RGS7: variants seen among roughly 807,000 people sequenced by gnomAD.
RGS7 encodes regulator of G-protein signaling 7.
A neutral mutation model predicts 81.1 loss-of-function variants in RGS7; 27 were observed. The observed-to-expected ratio is 0.33, with a 90% CI of 0.25 to 0.46. The LOEUF (loss-of-function observed/expected upper bound fraction) is 0.46, where lower values mean the gene tolerates loss of function less well. Ranked by LOEUF, RGS7 falls within the 20% of genes least tolerant of loss-of-function variation. The pLI is 1.00. For synonymous variants in RGS7, 208 were observed against 207.7 expected, an observed-to-expected ratio of 1.00 and a Z score of -0.01; for missense variants, 396 against 607.4, an observed-to-expected ratio of 0.65 and a Z score of 3.66.
At chr1:241,008,111 C>T (rs2058767315) in intron 3 of RGS7, among the ~76,000 whole-genome samples, 1 of 149,800 alleles carries the variant, frequency 6.7e-6, no homozygotes, top group Admixed American at 6.7e-5. Context: ...CTTTATATGG[C>T]AACAAAAGAC....
intron 3 of RGS7, among the ~76,000 whole-genome samples, chr1:241,015,672 C>T (rs1040182959): frequency 6.6e-6 from 1 of 152,126 alleles, no homozygotes; most frequent in African/African-American, 2.4e-5. Context: ...AATTTTGGTA[C>T]ATTGCTTTTA....
intron 2 of RGS7, among the ~76,000 whole-genome samples, chr1:241,316,572 CAT>C (rs2080890535): frequency 6.6e-6 from 1 of 152,226 alleles, no homozygotes; most frequent in East Asian, 1.9e-4. Flanking sequence ...CAATACCAAA[CAT>C]GTGGTGAGGC....
intron 2 of RGS7, among the ~76,000 whole-genome samples, chr1:241,328,372 GAGA>G (rs2081746020): frequency 1.3e-5 from 2 of 152,276 alleles, no homozygotes; most frequent in South Asian, 2.1e-4. Context: ...GTGGACTTTT[GAGA>G]AGAACACTGC....
intron 2 of RGS7, among the ~76,000 whole-genome samples, chr1:241,245,927 A>T (rs1573330540): frequency 6.6e-6 from 1 of 151,302 alleles, no homozygotes; most frequent in Admixed American, 6.6e-5. Context: ...ACATGGTGAA[A>T]CCCCGTCTCT....
chr1:240,977,091 TACACACACACACACACACACACACACAC>T (rs60732630), intron 4 of RGS7, among the ~76,000 whole-genome samples: 2 of 133,722 alleles, frequency 1.5e-5, no homozygotes, highest in East Asian at 2.2e-4. Context: ...TATCCATCTG[TACACACACACACACACACACACACACAC>T]ACACACACAC....
At chr1:241,162,222 G>GCGCCCCCCCCCCCCC (rs68166816) in intron 2 of RGS7, among the ~76,000 whole-genome samples, 5 of 142,020 alleles carry the variant, frequency 3.5e-5, no homozygotes, top group African/African-American at 1.3e-4. Flanking sequence ...CTGGTGATCA[G>GCGCCCCCCCCCCCCC]CTTCCAAATA....
intron 3 of RGS7, among the ~76,000 whole-genome samples, chr1:241,044,376 T>C (rs2060797518): frequency 6.6e-6 from 1 of 152,102 alleles, no homozygotes. Flanking sequence ...TCTCAAAGTG[T>C]TGGGAATACA....
At chr1:241,226,772 T>C (rs2075332886) in intron 2 of RGS7, among the ~76,000 whole-genome samples, 1 of 152,220 alleles carries the variant, frequency 6.6e-6, no homozygotes, top group Admixed American at 6.5e-5. Context: ...CCACCATTGA[T>C]AGGAATAAGA....
intron 2 of RGS7, among the ~76,000 whole-genome samples, chr1:241,270,788 C>G (rs1273764865): frequency 2.7e-5 from 4 of 148,092 alleles, no homozygotes; most frequent in Non-Finnish European, 6.0e-5. Context: ...GACGGAGTCT[C>G]GCTCTGTCGC....
chr1:241,311,000 C>A (rs1029412325), intron 2 of RGS7, among the ~76,000 whole-genome samples: 2 of 152,158 alleles, frequency 1.3e-5, no homozygotes, highest in Non-Finnish European at 2.9e-5. Flanking sequence ...ATGGTTCTGA[C>A]ACGGACTAAT....
chr1:241,003,526 G>A lies in RGS7; in HGVS notation c.176-20397C>T, dbSNP rs1572215167. On this transcript the variant is annotated intron_variant, in intron 3 of 18. Transcript: ENST00000440928. Reference sequence around the variant, plus strand: ...GGATATCATGCTATTCTGATGATGTGAGCACTTCCCTAAGTGCCAACCTTA... The same window carrying A: ...GGATATCATGCTATTCTGATGATGTAAGCACTTCCCTAAGTGCCAACCTTA... Among the ~76,000 whole-genome samples, 5 of 151,288 alleles carry A rather than the reference G, an allele frequency of 3.3e-5. 1 individual carries two copies. Among genetic ancestry groups the A allele is most frequent in the African/African-American group, 1.2e-4 (5 of 41,222 alleles).
intron 6 of RGS7, among the ~76,000 whole-genome samples, chr1:240,881,323 G>A (rs897087578): frequency 2.0e-5 from 3 of 149,984 alleles, no homozygotes; most frequent in African/African-American, 7.4e-5. Flanking sequence ...CACAGGGAGG[G>A]GAACATCACA....
chr1:241,346,955 T>G (rs1263978648), intron 2 of RGS7, among the ~76,000 whole-genome samples: 8 of 152,188 alleles, frequency 5.3e-5, no homozygotes, highest in Admixed American at 1.3e-4. Context: ...AATAGCCATA[T>G]TAGTATGAAT....
intron 3 of RGS7, among the ~76,000 whole-genome samples, chr1:241,005,660 G>A (rs1405980586): frequency 6.6e-6 from 1 of 151,878 alleles, no homozygotes; most frequent in Non-Finnish European, 1.5e-5. Context: ...TCAGCCTCCC[G>A]AGTAGCTGGG....
chr1:241,302,100 A>T (rs1310193167), intron 2 of RGS7, among the ~76,000 whole-genome samples: 1 of 152,166 alleles, frequency 6.6e-6, no homozygotes, highest in Non-Finnish European at 1.5e-5. Context: ...TGAGGAAGTA[A>T]TATTCATGGT....
At chr1:241,042,666 G>A (rs10926404) in intron 3 of RGS7, among the ~76,000 whole-genome samples, 10,763 of 152,106 alleles carry the variant, frequency 0.071, 579 homozygotes, top group African/African-American at 0.14. Context: ...TTGGCCGGGC[G>A]TAGTGGCTCA....
intron 3 of RGS7, among the ~76,000 whole-genome samples, chr1:241,073,273 T>C (rs1483414475): frequency 6.6e-6 from 1 of 152,206 alleles, no homozygotes; most frequent in Non-Finnish European, 1.5e-5. Flanking sequence ...TTGCAGCTTC[T>C]ATTGGTTTGG....
intron 3 of RGS7, among the ~76,000 whole-genome samples, chr1:240,993,641 T>C (rs761291527): frequency 3.9e-5 from 6 of 152,156 alleles, no homozygotes; most frequent in Non-Finnish European, 8.8e-5. Flanking sequence ...ATAATTTCTT[T>C]TACTCTGTAC....
chr1:241,006,834 C>G (rs1238637256), intron 3 of RGS7, among the ~76,000 whole-genome samples: 1 of 152,188 alleles, frequency 6.6e-6, no homozygotes, highest in East Asian at 1.9e-4. Flanking sequence ...CCTCAGCCTA[C>G]TCAACCTGAA....
Sources: gnomAD v4.1 joint callset for allele counts (sites outside exome capture counted in the v4.1 genomes callset) on GRCh38, gnomAD v4.1.1 for gene constraint, MANE v1.5 for transcripts, NCBI Gene and HGNC (gene_info 2026-07-23, HGNC 2026-07-21) for gene names.